DLC1: variants seen among roughly 807,000 people sequenced by gnomAD.
The protein encoded by DLC1 is rho GTPase-activating protein 7.
A neutral mutation model predicts 140.3 loss-of-function variants in DLC1; 54 were observed. That is an observed-to-expected ratio of 0.38 (90% CI 0.31 to 0.48). DLC1 has a LOEUF of 0.48. DLC1 is among the 20% of genes least tolerant of loss of function. The probability of loss-of-function intolerance (pLI) is 0.96; values close to 1 mark genes in which losing one functional copy is unlikely to be tolerated. For missense variants in DLC1, 2,536 were observed against 1,907.0 expected (o/e 1.33, Z -6.14); for synonymous variants, 986 against 728.1 (o/e 1.35, Z -5.70).
chr8:13,156,310 A>T (rs938192601), intron 5 of DLC1, among the ~76,000 whole-genome samples: 1 of 152,166 alleles, frequency 6.6e-6, no homozygotes, highest in Non-Finnish European at 1.5e-5. Flanking sequence ...TTACATTCAC[A>T]TACAGTATCC....
chr8:13,281,989 G>C (rs943343434), intron 5 of DLC1, among the ~76,000 whole-genome samples: 1 of 152,134 alleles, frequency 6.6e-6, no homozygotes, highest in Non-Finnish European at 1.5e-5. Flanking sequence ...TTGCTAATGA[G>C]GATATAGACT....
chr8:13,516,886 C>G (rs919510685), upstream of DLC1, among the ~76,000 whole-genome samples: 2 of 152,044 alleles, frequency 1.3e-5, no homozygotes, highest in African/African-American at 4.8e-5. Flanking sequence ...TACAAAGTGC[C>G]CAGGTCCACA....
chr8:13,462,911 G>GT (rs1263515210), intron 2 of DLC1, among the ~76,000 whole-genome samples: 5 of 152,068 alleles, frequency 3.3e-5, no homozygotes, highest in Non-Finnish European at 7.4e-5. Flanking sequence ...TACCCCTATG[G>GT]TTTTATTGTT....
At chr8:13,365,662 G>C (rs917130209) in intron 4 of DLC1, among the ~76,000 whole-genome samples, 3 of 152,050 alleles carry the variant, frequency 2.0e-5, no homozygotes, top group Non-Finnish European at 2.9e-5. Context: ...GCTCCTTCTG[G>C]GTTTCCAGAC....
chr8:13,514,952 G>A (rs1001296585), upstream of DLC1: 7 of 273,324 alleles, frequency 2.6e-5, no homozygotes, highest in Non-Finnish European at 4.8e-5. Context: ...TACGAAGAGA[G>A]GGGAGGAGGG....
intron 4 of DLC1, among the ~76,000 whole-genome samples, chr8:13,315,337 C>G (rs1250144579): frequency 6.6e-6 from 1 of 152,182 alleles, no homozygotes; most frequent in Non-Finnish European, 1.5e-5. Flanking sequence ...GGATGATAAT[C>G]AAATAATAGC....
At position 13,401,743 on chromosome 8, in the gene DLC1, A is replaced by G; in HGVS notation, c.1024-124T>C. ...AATAGGCAGTCTTTAATTAGAAGAG[A>G]AGTTCCATTCTGTATCATCAATGGG... is the stretch of plus-strand genomic sequence containing the variant. On this transcript the variant is annotated intron_variant, in intron 2 of 17. Transcript: ENST00000276297. The G allele has an allele frequency of 3.9e-6, 5 of 1,280,856 alleles. No individual in the cohort carries two copies. In the South Asian group the frequency reaches 6.2e-5, roughly 16 times the overall value. 79.3% of individuals were successfully genotyped at this position (1,280,856 alleles called of 1,614,324 possible). A position where few individuals can be genotyped will look rare whatever the true frequency, so the allele number is the denominator to read the frequency against.
intron 4 of DLC1, among the ~76,000 whole-genome samples, chr8:13,392,621 G>GTTTAGT (rs1404567268): frequency 6.6e-6 from 1 of 152,060 alleles, no homozygotes; most frequent in Non-Finnish European, 1.5e-5. Flanking sequence ...CACTAAACTA[G>GTTTAGT]GAAAGGTTAT....
At chr8:13,373,233 A>G (rs1394731241) in intron 4 of DLC1, among the ~76,000 whole-genome samples, 2 of 152,090 alleles carry the variant, frequency 1.3e-5, no homozygotes, top group Non-Finnish European at 2.9e-5. Context: ...CTTTTTCTTA[A>G]TCCTTGTCTT....
chr8:13,089,737 C>T (rs746643744), intron 15 of DLC1, among the ~76,000 whole-genome samples: 11 of 152,230 alleles, frequency 7.2e-5, no homozygotes, highest in African/African-American at 2.4e-4. Context: ...ATGGTAGAGG[C>T]GGCATCAACA....
intron 2 of DLC1, among the ~76,000 whole-genome samples, chr8:13,409,580 G>A (rs964388716): frequency 6.6e-6 from 1 of 152,154 alleles, no homozygotes; most frequent in African/African-American, 2.4e-5. Flanking sequence ...GTGTAACTGG[G>A]TATTTTATGT....
chr8:13,188,829 A>G (rs1325410123), intron 5 of DLC1, among the ~76,000 whole-genome samples: 76 of 27,170 alleles, frequency 2.8e-3, no homozygotes, highest in African/African-American at 7.5e-3. Flanking sequence ...ATATATATGT[A>G]TATATATATA....
chr8:13,525,728 A>G (rs957337703), intron 1 of DLC1, among the ~76,000 whole-genome samples: 2 of 152,140 alleles, frequency 1.3e-5, no homozygotes, highest in Non-Finnish European at 2.9e-5. Flanking sequence ...GCTCTTTATC[A>G]TGTAGGTGAT....
chr8:13,146,200 G>A (rs184679713), intron 5 of DLC1, among the ~76,000 whole-genome samples: 226 of 151,884 alleles, frequency 1.5e-3, no homozygotes, highest in African/African-American at 5.3e-3. Flanking sequence ...ACTTGAACCC[G>A]GGAGGTGGAG....
intron 5 of DLC1, among the ~76,000 whole-genome samples, chr8:13,188,085 T>C (rs1050907781): frequency 2.7e-5 from 4 of 147,986 alleles, no homozygotes; most frequent in African/African-American, 1.0e-4. Context: ...TGGCAATTTT[T>C]TTTTTTTTTT....
intron 4 of DLC1, among the ~76,000 whole-genome samples, chr8:13,333,439 G>C (rs1401811351): frequency 2.0e-5 from 3 of 152,010 alleles, no homozygotes; most frequent in Non-Finnish European, 4.4e-5. Flanking sequence ...TTAGTGATGA[G>C]GGTCTCATTG....
chr8:13,374,187 G>C (rs1835856472), intron 4 of DLC1, among the ~76,000 whole-genome samples: 1 of 152,182 alleles, frequency 6.6e-6, no homozygotes, highest in Non-Finnish European at 1.5e-5. Flanking sequence ...TGCAAGGTCA[G>C]TGGCTGTGTA....
At chr8:13,102,693 T>A (rs1413098591) in intron 8 of DLC1, 97 bp downstream of exon 8, 4 of 1,094,610 alleles carry the variant, frequency 3.7e-6, no homozygotes, top group Non-Finnish European at 5.6e-6. Flanking sequence ...AACAACAAAC[T>A]AAGAGTTGGA....
At position 13,336,361 on chromosome 8, in the gene DLC1, TA is replaced by T. The variant is rs1488578612; in HGVS notation, c.1315-31060del. ...TAAAGTATCAATATATGTAATAAAA[TA>T]ATATTTGTTACACTATATTAATTTT... On this transcript the variant is annotated intron_variant, in intron 4 of 17. Coordinates refer to ENST00000276297, the MANE Select transcript of DLC1 (RefSeq NM_182643.3). Among the ~76,000 whole-genome samples, 12 of 152,210 alleles carry T rather than the reference TA, an allele frequency of 7.9e-5. No individual in the cohort carries two copies. The East Asian group carries it at 2.3e-3, about 29-fold the overall frequency.
Sources: allele counts gnomAD v4.1 joint callset (sites outside exome capture counted in the v4.1 genomes callset), GRCh38; gene constraint gnomAD v4.1.1; transcripts MANE v1.5; gene names NCBI Gene and HGNC (gene_info 2026-07-23, HGNC 2026-07-21).